Variants in KCNMB2 observed in about 807,000 individuals in gnomAD.
The protein encoded by KCNMB2 is potassium calcium-activated channel subfamily M regulatory beta subunit 2.
KCNMB2 carries 9 observed loss-of-function variants against 24.5 expected under a neutral mutation model. That is an observed-to-expected ratio of 0.37 (90% CI 0.22 to 0.64). The LOEUF is 0.64. KCNMB2 is among the 30% of genes least tolerant of loss of function. The pLI, the probability that KCNMB2 is intolerant of heterozygous loss-of-function variation, is 0.63. For synonymous variants in KCNMB2, 109 were observed against 104.4 expected, an observed-to-expected ratio of 1.04 and a Z score of -0.27; for missense variants, 226 against 284.3, an observed-to-expected ratio of 0.79 and a Z score of 1.47.
At chr3:178,752,420 G>A (rs1184023003) in intron 1 of KCNMB2, among the ~76,000 whole-genome samples, 2 of 152,148 alleles carry the variant, frequency 1.3e-5, no homozygotes, top group African/African-American at 4.8e-5. Flanking sequence ...AGTCTGGTGT[G>A]GTTATAGTAT....
chr3:178,780,053 TA>T (rs11406849), intron 1 of KCNMB2, among the ~76,000 whole-genome samples: 11,495 of 133,834 alleles, frequency 0.086, 638 homozygotes, highest in East Asian at 0.28. Context: ...TTGTTTTTTT[TA>T]AAAAAAAAAA....
chr3:178,584,578 T>C (rs1019733192), intron 1 of KCNMB2, among the ~76,000 whole-genome samples: 1 of 152,352 alleles, frequency 6.6e-6, no homozygotes, highest in East Asian at 1.9e-4. Context: ...GTTGTTATTA[T>C]GTTATTTTCT....
At chr3:178,715,651 G>A (rs2108353509) in intron 1 of KCNMB2, among the ~76,000 whole-genome samples, 1 of 152,246 alleles carries the variant, frequency 6.6e-6, no homozygotes, top group East Asian at 1.9e-4. Context: ...CTGCTGTCAT[G>A]GGTTTTATTG....
chr3:178,786,800 T>A (rs1713118885), intron 1 of KCNMB2, among the ~76,000 whole-genome samples: 1 of 145,818 alleles, frequency 6.9e-6, no homozygotes, highest in Non-Finnish European at 1.5e-5. Flanking sequence ...ATGACTCACC[T>A]AAAGCCAAAA....
rs1577119150 is a variant in KCNMB2 at position 178,714,403 on chromosome 3, CAGA to C, written c.-67-92937_-67-92935del. Among the ~76,000 whole-genome samples, 4 of 152,238 alleles carry C rather than the reference CAGA, an allele frequency of 2.6e-5. No homozygotes were observed. The East Asian group carries it at 7.7e-4, about 29-fold the overall frequency. ...AGGGACACAGTGTTGGCTGAGGCAGCAGAAGGAGCAGCCATCTCTTCCTGAGAC... is the reference window on the plus strand; with the variant it reads ...AGGGACACAGTGTTGGCTGAGGCAGCAGGAGCAGCCATCTCTTCCTGAGAC... On this transcript the variant is annotated intron_variant, in intron 1 of 4. Transcript: ENST00000452583.
intron 1 of KCNMB2, among the ~76,000 whole-genome samples, chr3:178,697,107 T>C (rs1266845814): frequency 6.6e-6 from 1 of 152,210 alleles, no homozygotes; most frequent in African/African-American, 2.4e-5. Context: ...GTTCTGTAGA[T>C]ATCTATCAGG....
chr3:178,558,541 C>G (rs925202341), intron 1 of KCNMB2, among the ~76,000 whole-genome samples: 3 of 152,282 alleles, frequency 2.0e-5, no homozygotes, highest in Non-Finnish European at 4.4e-5. Context: ...TGTCATCCCT[C>G]CACCAACATT....
intron 1 of KCNMB2, among the ~76,000 whole-genome samples, chr3:178,652,089 A>G (rs1235116527): frequency 7.1e-6 from 1 of 140,900 alleles, no homozygotes; most frequent in East Asian, 2.1e-4. Flanking sequence ...AATAAACTAA[A>G]GAACTTCTGC....
intron 1 of KCNMB2, among the ~76,000 whole-genome samples, chr3:178,804,481 C>A (rs968189199): frequency 2.6e-5 from 4 of 152,132 alleles, no homozygotes; most frequent in African/African-American, 9.7e-5. Flanking sequence ...GGAAACACTC[C>A]AAATCCACTT....
chr3:178,595,600 AG>A (rs1274426558), intron 1 of KCNMB2, among the ~76,000 whole-genome samples: 2 of 152,046 alleles, frequency 1.3e-5, no homozygotes, highest in Non-Finnish European at 2.9e-5. Context: ...TGTTTTTATA[AG>A]GGGCTTCCCC....
chr3:178,639,327 C>G (rs543467388), intron 1 of KCNMB2, among the ~76,000 whole-genome samples: 1 of 152,208 alleles, frequency 6.6e-6, no homozygotes, highest in South Asian at 2.1e-4. Flanking sequence ...GGTTAAACAG[C>G]TAATAAGTGA....
intron 4 of KCNMB2, among the ~76,000 whole-genome samples, chr3:178,838,215 T>G (rs980869117): frequency 1.1e-4 from 16 of 152,176 alleles, no homozygotes; most frequent in Non-Finnish European, 2.1e-4. Context: ...CCACACTGCC[T>G]TACACCCTTT....
At chr3:178,613,825 GTTCTA>G (rs1267875789) in intron 1 of KCNMB2, among the ~76,000 whole-genome samples, 1 of 151,930 alleles carries the variant, frequency 6.6e-6, no homozygotes, top group Non-Finnish European at 1.5e-5. Flanking sequence ...AATCTGCTTG[GTTCTA>G]TAACCATCTT....
intron 1 of KCNMB2, among the ~76,000 whole-genome samples, chr3:178,745,549 T>A (rs1723637478): frequency 6.6e-6 from 1 of 152,084 alleles, no homozygotes; most frequent in African/African-American, 2.4e-5. Context: ...TTCAAACCAA[T>A]CATGCCTTCC....
In KCNMB2 at chr3:178,705,737, T is replaced by G. The variant is rs554338109; in HGVS notation, c.-67-101606T>G. 2.6e-5 allele frequency among the ~76,000 whole-genome samples: 4 copies of G among 152,298 alleles called. No individual in the cohort carries two copies. The South Asian group carries it at 8.3e-4, about 32-fold the overall frequency. ...TAAAAATTATTGTTATTCATTCCTA[T>G]GCTTTTGAATGGTAATTTATATTCA... is the stretch of plus-strand genomic sequence containing the variant. On this transcript the variant is annotated intron_variant, in intron 1 of 4. Coordinates refer to ENST00000452583, the MANE Select transcript of KCNMB2 (RefSeq NM_181361.3).
chr3:178,629,223 C>T (rs930350756), intron 1 of KCNMB2, among the ~76,000 whole-genome samples: 9 of 152,134 alleles, frequency 5.9e-5, no homozygotes, highest in African/African-American at 2.2e-4. Context: ...CATAGTCTTA[C>T]ATTTTTCTGC....
At chr3:178,596,525 C>T (rs1560124036) in intron 1 of KCNMB2, among the ~76,000 whole-genome samples, 1 of 152,080 alleles carries the variant, frequency 6.6e-6, no homozygotes, top group African/African-American at 2.4e-5. Context: ...TACCACCTCC[C>T]CTCATCATGA....
intron 1 of KCNMB2, among the ~76,000 whole-genome samples, chr3:178,641,051 T>A (rs950225182): frequency 9.9e-5 from 15 of 152,218 alleles, no homozygotes; most frequent in Non-Finnish European, 8.8e-5. Flanking sequence ...GTTTTAATGA[T>A]TTATGTGTCT....
intron 1 of KCNMB2, among the ~76,000 whole-genome samples, chr3:178,655,449 T>C (rs940743567): frequency 6.6e-6 from 1 of 152,154 alleles, no homozygotes; most frequent in Admixed American, 6.5e-5. Flanking sequence ...ATCACAGCTG[T>C]AGCCCAGATG....
Sources: allele counts gnomAD v4.1 joint callset (sites outside exome capture counted in the v4.1 genomes callset), GRCh38; gene constraint gnomAD v4.1.1; transcripts MANE v1.5; gene names NCBI Gene and HGNC (gene_info 2026-07-23, HGNC 2026-07-21).